Variants in SYT9 observed in about 807,000 individuals in gnomAD.
The protein encoded by SYT9 is synaptotagmin 9.
Under a neutral mutation model 48.4 loss-of-function variants are expected in SYT9, and 22 were observed. The ratio of observed to expected loss-of-function variants is 0.45; its 90% CI spans 0.32 to 0.65. The LOEUF is 0.65. Among genes scored for constraint, SYT9 ranks in the 30% least tolerant of loss-of-function variants. The pLI is 0.03. For missense variants in SYT9, 577 were observed against 622.0 expected, an observed-to-expected ratio of 0.93 and a Z score of 0.77; for synonymous variants, 265 against 245.0, an observed-to-expected ratio of 1.08 and a Z score of -0.76.
intron 6 of SYT9, chr11:7,435,729 C>T (rs1485321604): frequency 1.3e-5 from 2 of 152,140 alleles, no homozygotes; most frequent in African/African-American, 4.8e-5. Flanking sequence ...GCCTGTAATC[C>T]CAGCACTTTG....
intron 1 of SYT9, among the ~76,000 whole-genome samples, chr11:7,297,687 A>G (rs1432255029): frequency 6.6e-6 from 1 of 152,112 alleles, no homozygotes; most frequent in Non-Finnish European, 1.5e-5. Context: ...CCTCATTTTA[A>G]TCTCCTACAT....
intron 6 of SYT9, among the ~76,000 whole-genome samples, chr11:7,426,437 A>G (rs2134112451): frequency 6.6e-6 from 1 of 152,200 alleles, no homozygotes; most frequent in Admixed American, 6.5e-5. Flanking sequence ...AGCCCTTAAT[A>G]CAGAGTCATT....
intron 1 of SYT9, among the ~76,000 whole-genome samples, chr11:7,271,031 A>T (rs568985113): frequency 3.3e-5 from 5 of 152,224 alleles, no homozygotes; most frequent in Admixed American, 1.3e-4. Flanking sequence ...TAAATAAAGG[A>T]ATCTGAAGCA....
chr11:7,305,123 C>T (rs1288632468), intron 2 of SYT9, among the ~76,000 whole-genome samples: 1 of 152,026 alleles, frequency 6.6e-6, no homozygotes, highest in East Asian at 1.9e-4. Flanking sequence ...TAACTGTTAT[C>T]ACTACTGATT....
chr11:7,278,036 G>A (rs58921540), intron 1 of SYT9, among the ~76,000 whole-genome samples: 2,891 of 152,270 alleles, frequency 0.019, 93 homozygotes, highest in African/African-American at 0.066. Flanking sequence ...AGGTTGAGAG[G>A]TCACATATGA....
At chr11:7,432,679 TC>T (rs950297050) in intron 6 of SYT9, among the ~76,000 whole-genome samples, 81 of 145,092 alleles carry the variant, frequency 5.6e-4, no homozygotes, top group African/African-American at 2.0e-3. Flanking sequence ...GCATGGAGCC[TC>T]TAGCCCCTTT....
At chr11:7,367,895 C>G (rs1345382240) in intron 3 of SYT9, among the ~76,000 whole-genome samples, 1 of 152,200 alleles carries the variant, frequency 6.6e-6, no homozygotes, top group African/African-American at 2.4e-5. Flanking sequence ...TTAACACTAA[C>G]CATTTGCCAG....
intron 3 of SYT9, among the ~76,000 whole-genome samples, chr11:7,392,565 C>T (rs1003063044): frequency 2.0e-5 from 3 of 149,664 alleles, no homozygotes; most frequent in African/African-American, 7.3e-5. Context: ...CTTAGGATTG[C>T]TTTTGCTATT....
chr11:7,264,390 G>C (rs1450103990), intron 1 of SYT9, among the ~76,000 whole-genome samples: 3 of 152,114 alleles, frequency 2.0e-5, no homozygotes, highest in African/African-American at 4.8e-5. Context: ...TGCAGGCATG[G>C]AAGAGAGGGA....
At chr11:7,320,510 G>A (rs1317278015) in intron 3 of SYT9, among the ~76,000 whole-genome samples, 1 of 151,990 alleles carries the variant, frequency 6.6e-6, no homozygotes, top group African/African-American at 2.4e-5. Flanking sequence ...CTTCCTGCTG[G>A]GTGCTCAACC....
chr11:7,381,792 C>G (rs1487871), intron 3 of SYT9, among the ~76,000 whole-genome samples: 1 of 152,086 alleles, frequency 6.6e-6, no homozygotes, highest in African/African-American at 2.4e-5. Flanking sequence ...ATTACACTTA[C>G]TGTCATTAAA....
intron 1 of SYT9, among the ~76,000 whole-genome samples, chr11:7,267,968 A>G (rs1232315898): frequency 6.6e-6 from 1 of 152,088 alleles, no homozygotes; most frequent in East Asian, 1.9e-4. Context: ...AATGATGTAG[A>G]AATACAAATT....
intron 6 of SYT9, among the ~76,000 whole-genome samples, chr11:7,452,453 G>T (rs1246177386): frequency 6.6e-6 from 1 of 152,142 alleles, no homozygotes; most frequent in Non-Finnish European, 1.5e-5. Context: ...TCATCCTCTT[G>T]TGCAATGTCT....
At position 7,313,388 on chromosome 11, in the gene SYT9, A is replaced by G. The variant is rs932688421; in HGVS notation, c.498-7A>G. The G allele has an allele frequency of 6.1e-5, 97 of 1,600,898 alleles. No individual in the cohort carries two copies. The highest frequency in any genetic ancestry group is 7.9e-5 in the Non-Finnish European group (93 of 1,175,160). ...ATAACTTTGTTCTGTGTTGCTCTTC[A>G]TTCAAGGCATAATTCAATCCGAAGA... On this transcript the variant is annotated splice_region_variant and splice_polypyrimidine_tract_variant and intron_variant, in intron 2 of 6. Coordinates refer to ENST00000318881, the MANE Select transcript of SYT9 (RefSeq NM_175733.4).
At chr11:7,250,560 C>T (rs565813888), upstream of SYT9, among the ~76,000 whole-genome samples, 1 of 151,858 alleles carries the variant, frequency 6.6e-6, no homozygotes, top group South Asian at 2.1e-4. Context: ...CTCAACCTCC[C>T]CTACAGGCTC....
At chr11:7,273,831 A>G (rs1848338745) in intron 1 of SYT9, among the ~76,000 whole-genome samples, 2 of 152,174 alleles carry the variant, frequency 1.3e-5, no homozygotes, top group South Asian at 4.1e-4. Context: ...GTTCTCACTC[A>G]TAAGTGGGAG....
intron 1 of SYT9, among the ~76,000 whole-genome samples, chr11:7,241,320 A>T (rs1373493625): frequency 6.6e-6 from 1 of 152,208 alleles, no homozygotes; most frequent in African/African-American, 2.4e-5. Flanking sequence ...AGAGAAACTT[A>T]CTGAGGTACT....
chr11:7,431,186 G>A (rs1328215093), intron 6 of SYT9, among the ~76,000 whole-genome samples: 3 of 152,184 alleles, frequency 2.0e-5, no homozygotes, highest in African/African-American at 7.2e-5. Flanking sequence ...CTCTTATTGG[G>A]AACAAGAGCA....
At chr11:7,318,151 C>T (rs919579789) in intron 3 of SYT9, among the ~76,000 whole-genome samples, 15 of 152,084 alleles carry the variant, frequency 9.9e-5, no homozygotes, top group Non-Finnish European at 1.9e-4. Flanking sequence ...TAATTTTCTA[C>T]GTTAAGATCT....
Sources: gnomAD v4.1 joint callset for allele counts (sites outside exome capture counted in the v4.1 genomes callset) on GRCh38, gnomAD v4.1.1 for gene constraint, MANE v1.5 for transcripts, NCBI Gene and HGNC (gene_info 2026-07-23, HGNC 2026-07-21) for gene names.